WWOX: variants seen among roughly 807,000 people sequenced by gnomAD.
WWOX encodes the protein WW domain-containing oxidoreductase.
A neutral mutation model predicts 46.2 loss-of-function variants in WWOX; 69 were observed. That is an observed-to-expected ratio of 1.49 (90% CI 1.23 to 1.82). The LOEUF is 1.82. Ranked by LOEUF, WWOX falls within the 40% of genes most tolerant of loss-of-function variation. The pLI is 0.00. For synonymous variants in WWOX, 359 were observed against 202.6 expected, an observed-to-expected ratio of 1.77 and a Z score of -6.56; for missense variants, 919 against 542.6, an observed-to-expected ratio of 1.69 and a Z score of -6.89.
intron 5 of WWOX, among the ~76,000 whole-genome samples, chr16:78,175,103 G>A (rs2035296783): frequency 6.6e-6 from 1 of 152,048 alleles, no homozygotes; most frequent in Admixed American, 6.5e-5. Context: ...CATCCGTAGA[G>A]GGCAGAAAGG....
At chr16:79,007,918 G>A (rs2047221741) in intron 8 of WWOX, among the ~76,000 whole-genome samples, 1 of 152,170 alleles carries the variant, frequency 6.6e-6, no homozygotes, top group African/African-American at 2.4e-5. Context: ...ACCTTGGGAG[G>A]TAGTTACTTT....
intron 5 of WWOX, among the ~76,000 whole-genome samples, chr16:78,184,267 A>G (rs2035624408): frequency 6.9e-6 from 1 of 144,278 alleles, no homozygotes; most frequent in African/African-American, 2.5e-5. Flanking sequence ...TGTTTGGAGA[A>G]GTGTTTTCAT....
At chr16:78,990,057 G>A (rs745509108) in intron 8 of WWOX, among the ~76,000 whole-genome samples, 2 of 151,738 alleles carry the variant, frequency 1.3e-5, no homozygotes, top group Non-Finnish European at 2.9e-5. Context: ...GGTGACAGAC[G>A]CTTGTAGTCT....
intron 5 of WWOX, among the ~76,000 whole-genome samples, chr16:78,340,017 T>TCGG (rs796485170): frequency 0.013 from 86 of 6,782 alleles, 12 homozygotes; most frequent in African/African-American, 0.032. Context: ...ATGGATTTGG[T>TCGG]GGGGGGGGGG....
chr16:79,121,381 A>T (rs1009061359), intron 8 of WWOX, among the ~76,000 whole-genome samples: 1 of 152,260 alleles, frequency 6.6e-6, no homozygotes, highest in Non-Finnish European at 1.5e-5. Flanking sequence ...TTGTGTTTAC[A>T]ACAGAATATA....
chr16:78,492,102 C>G (rs4887964), intron 8 of WWOX, among the ~76,000 whole-genome samples: 12 of 152,128 alleles, frequency 7.9e-5, no homozygotes, highest in Admixed American at 4.6e-4. Flanking sequence ...AGATTCCCAG[C>G]CAACTGGTTT....
chr16:78,726,094 T>TCCCC (rs2048826712), intron 8 of WWOX, among the ~76,000 whole-genome samples: 1 of 104,420 alleles, frequency 9.6e-6, no homozygotes, highest in Non-Finnish European at 1.9e-5. Flanking sequence ...TCTTCCTCCC[T>TCCCC]CCCTCCCTCC....
chr16:78,814,627 C>G (rs959287694), intron 8 of WWOX, among the ~76,000 whole-genome samples: 23 of 152,180 alleles, frequency 1.5e-4, no homozygotes, highest in Non-Finnish European at 7.3e-5. Flanking sequence ...TACATTGGTT[C>G]TTTTCTATGG....
At chr16:78,579,805 T>C (rs1444226236) in intron 8 of WWOX, among the ~76,000 whole-genome samples, 2 of 152,142 alleles carry the variant, frequency 1.3e-5, no homozygotes, top group East Asian at 3.9e-4. Context: ...TCTCCTACGG[T>C]GATACCTGGA....
intron 8 of WWOX, among the ~76,000 whole-genome samples, chr16:78,984,404 ATATAGTCTCTGTTTCAAT>A (rs1456317267): frequency 2.0e-5 from 3 of 152,234 alleles, no homozygotes; most frequent in Non-Finnish European, 4.4e-5. Context: ...TTTGTGGGTC[ATATAGTCTCTGTTTCAAT>A]TACCCAACTC....
intron 6 of WWOX, among the ~76,000 whole-genome samples, chr16:78,389,880 G>C (rs536406050): frequency 2.6e-5 from 4 of 152,154 alleles, no homozygotes; most frequent in Non-Finnish European, 4.4e-5. Flanking sequence ...CTCCAGAGTA[G>C]CTGGGATTAC....
intron 8 of WWOX, among the ~76,000 whole-genome samples, chr16:79,133,402 A>C (rs541206235): frequency 6.6e-6 from 1 of 152,226 alleles, no homozygotes; most frequent in African/African-American, 2.4e-5. Flanking sequence ...ATTGATGTCA[A>C]TATAAACTAT....
intron 8 of WWOX, among the ~76,000 whole-genome samples, chr16:78,714,909 A>G (rs1054708634): frequency 6.6e-6 from 1 of 152,178 alleles, no homozygotes; most frequent in Non-Finnish European, 1.5e-5. Context: ...GATATATGAA[A>G]TGACATGTTT....
rs1402062426 is a variant in WWOX at position 78,344,760 on chromosome 16, C to T, written c.517-42100C>T. Among the ~76,000 whole-genome samples, 2 of 121,464 alleles carry T rather than the reference C, an allele frequency of 1.6e-5. 1 individual carries two copies. Among genetic ancestry groups the T allele is most frequent in the Non-Finnish European group, 3.9e-5 (2 of 50,740 alleles). 79.7% of individuals were successfully genotyped at this position (121,464 alleles called of 152,430 possible). A position where few individuals can be genotyped will look rare whatever the true frequency, so the allele number is the denominator to read the frequency against. On this transcript the variant is annotated intron_variant, in intron 5 of 8. Transcript: ENST00000566780. ...ACTTCCCAAGTCAGTTGCCATTTGG[C>T]CCTGATAAAGCTGTACTTTCTCACT...
intron 8 of WWOX, among the ~76,000 whole-genome samples, chr16:78,803,005 C>A (rs1474747695): frequency 1.4e-5 from 2 of 146,602 alleles, no homozygotes; most frequent in Non-Finnish European, 3.0e-5. Flanking sequence ...ATCACCAGGC[C>A]TGCCATGGAA....
At chr16:78,364,609 C>A (rs1230107250) in intron 5 of WWOX, among the ~76,000 whole-genome samples, 1 of 151,600 alleles carries the variant, frequency 6.6e-6, no homozygotes, top group Admixed American at 6.6e-5. Context: ...TAAAAATAAA[C>A]TGTTTGTCGT....
intron 8 of WWOX, among the ~76,000 whole-genome samples, chr16:78,986,825 AT>A (rs1248405525): frequency 6.6e-6 from 1 of 152,158 alleles, no homozygotes; most frequent in Admixed American, 6.5e-5. Flanking sequence ...TTCCACAGAG[AT>A]TTTTGGGCAT....
At chr16:78,340,170 A>T (rs1597062455) in intron 5 of WWOX, among the ~76,000 whole-genome samples, 1 of 106,476 alleles carries the variant, frequency 9.4e-6, no homozygotes, top group Non-Finnish European at 2.2e-5. Flanking sequence ...AATTGTTTTC[A>T]TTTCTTTTGG....
At chr16:79,034,235 C>G (rs1288478754) in intron 8 of WWOX, among the ~76,000 whole-genome samples, 1 of 152,102 alleles carries the variant, frequency 6.6e-6, no homozygotes, top group Non-Finnish European at 1.5e-5. Context: ...GCCTCATGCC[C>G]AATGTAAAAA....
Sources: allele counts gnomAD v4.1 joint callset (sites outside exome capture counted in the v4.1 genomes callset), GRCh38; gene constraint gnomAD v4.1.1; transcripts MANE v1.5; gene names NCBI Gene and HGNC (gene_info 2026-07-23, HGNC 2026-07-21).